Variants in NALF1 observed in about 807,000 individuals in gnomAD.
The protein encoded by NALF1 is family with sequence similarity 155 member A.
Under a neutral mutation model 48.4 loss-of-function variants are expected in NALF1, and 3 were observed. The observed-to-expected ratio is 0.06, with a 90% CI of 0.03 to 0.16. NALF1 has a LOEUF of 0.16. Ranked by LOEUF, NALF1 falls within the 10% of genes least tolerant of loss-of-function variation. NALF1 has a pLI of 1.00. For missense variants in NALF1, 526 were observed against 571.5 expected (o/e 0.92, Z 0.81); for synonymous variants, 262 against 245.7 (o/e 1.07, Z -0.62).
intron 1 of NALF1, among the ~76,000 whole-genome samples, chr13:107,359,692 G>A (rs1325225379): frequency 7.3e-6 from 1 of 137,290 alleles, no homozygotes; most frequent in Non-Finnish European, 1.6e-5. Flanking sequence ...AAAAAATGTT[G>A]CTGCCTCTAG....
chr13:107,580,805 C>T (rs942849722), intron 1 of NALF1, among the ~76,000 whole-genome samples: 1 of 152,094 alleles, frequency 6.6e-6, no homozygotes, highest in Non-Finnish European at 1.5e-5. Flanking sequence ...AACATTTTAA[C>T]AACAGTGGAA....
chr13:107,204,009 G>A (rs1459127270), intron 2 of NALF1, among the ~76,000 whole-genome samples: 1 of 132,538 alleles, frequency 7.5e-6, no homozygotes, highest in Non-Finnish European at 1.7e-5. Flanking sequence ...GGCAGAGAGG[G>A]GCGCCCACAA....
At chr13:107,372,077 T>A (rs1883257887) in intron 1 of NALF1, among the ~76,000 whole-genome samples, 1 of 151,612 alleles carries the variant, frequency 6.6e-6, no homozygotes, top group South Asian at 2.1e-4. Flanking sequence ...CGCAGCAAGA[T>A]GCAGAGAGGT....
intron 1 of NALF1, among the ~76,000 whole-genome samples, chr13:107,754,021 C>A (rs1877013972): frequency 6.6e-6 from 1 of 152,046 alleles, no homozygotes; most frequent in African/African-American, 2.4e-5. Context: ...AAGAATGCTT[C>A]CAAATGTTGG....
chr13:107,303,393 G>T (rs988259271), intron 1 of NALF1, among the ~76,000 whole-genome samples: 1 of 152,102 alleles, frequency 6.6e-6, no homozygotes, highest in Non-Finnish European at 1.5e-5. Flanking sequence ...CTTCTCTATA[G>T]ATATATTATA....
At chr13:107,615,640 A>G (rs553696560) in intron 1 of NALF1, among the ~76,000 whole-genome samples, 87 of 152,294 alleles carry the variant, frequency 5.7e-4, no homozygotes, top group African/African-American at 1.7e-3. Flanking sequence ...CATTGTGTAC[A>G]CACAAACTAA....
intron 1 of NALF1, among the ~76,000 whole-genome samples, chr13:107,700,258 A>T (rs1377212356): frequency 6.6e-6 from 1 of 152,102 alleles, no homozygotes; most frequent in Admixed American, 6.6e-5. Context: ...AAATTGTATT[A>T]CAAAGTTACA....
In NALF1 at chr13:107,332,398, A is replaced by G. The variant is rs572621225; in HGVS notation, c.916-121643T>C. Among the ~76,000 whole-genome samples the G allele has an allele frequency of 2.8e-4, 42 of 152,334 alleles. No homozygotes were observed. In the East Asian group the frequency reaches 7.7e-3, roughly 28 times the overall value. On this transcript the variant is annotated intron_variant, in intron 1 of 2. Coordinates refer to ENST00000375915, the MANE Select transcript of NALF1 (RefSeq NM_001080396.3). ...GCAAAGGAGCAGCAGGAGTAGAAAAATACAACTAGAGGGTGTCCTTTTCAC... is the reference window on the plus strand; with the variant it reads ...GCAAAGGAGCAGCAGGAGTAGAAAAGTACAACTAGAGGGTGTCCTTTTCAC...
chr13:107,837,753 G>A (rs868203580), intron 1 of NALF1, among the ~76,000 whole-genome samples: 13 of 151,940 alleles, frequency 8.6e-5, no homozygotes, highest in Admixed American at 2.0e-4. Context: ...GAGCCACCCG[G>A]GTGTGAGAAA....
intron 1 of NALF1, among the ~76,000 whole-genome samples, chr13:107,761,273 C>T (rs532334529): frequency 3.3e-5 from 5 of 151,908 alleles, no homozygotes; most frequent in Admixed American, 1.3e-4. Context: ...AGAAGAATGG[C>T]GTGAACGCAG....
At chr13:107,500,253 G>A (rs934877856) in intron 1 of NALF1, among the ~76,000 whole-genome samples, 2 of 152,100 alleles carry the variant, frequency 1.3e-5, no homozygotes, top group Non-Finnish European at 2.9e-5. Context: ...GAATACTTGC[G>A]ACTGGGTAAC....
intron 1 of NALF1, among the ~76,000 whole-genome samples, chr13:107,469,733 CTTTTTTTTTTTTTTT>C (rs61241553): frequency 1.3e-5 from 1 of 79,956 alleles, no homozygotes; most frequent in African/African-American, 5.3e-5. Flanking sequence ...AACTGTGTAT[CTTTTTTTTTTTTTTT>C]TTTTTTTTTT....
At chr13:107,671,033 G>A (rs1880978637) in intron 1 of NALF1, among the ~76,000 whole-genome samples, 1 of 151,980 alleles carries the variant, frequency 6.6e-6, no homozygotes, top group African/African-American at 2.4e-5. Flanking sequence ...TCTCAGATGT[G>A]CAACTTCCTT....
intron 1 of NALF1, among the ~76,000 whole-genome samples, chr13:107,727,158 C>A (rs373207383): frequency 2.0e-5 from 3 of 151,542 alleles, no homozygotes; most frequent in African/African-American, 7.3e-5. Flanking sequence ...GGCACAGACT[C>A]GAGACCAGTG....
intron 1 of NALF1, among the ~76,000 whole-genome samples, chr13:107,526,391 A>G (rs2139102150): frequency 1.3e-5 from 2 of 152,158 alleles, no homozygotes; most frequent in East Asian, 3.9e-4. Context: ...ATTCTGTTTC[A>G]ATTGATTGTT....
chr13:107,172,824 A>G (rs1878834309), intron 2 of NALF1, among the ~76,000 whole-genome samples: 1 of 152,230 alleles, frequency 6.6e-6, no homozygotes, highest in Non-Finnish European at 1.5e-5. Flanking sequence ...AATGTTAGGT[A>G]AATAAGAAGC....
chr13:107,858,024 C>T (rs971666337), intron 1 of NALF1, among the ~76,000 whole-genome samples: 2 of 152,198 alleles, frequency 1.3e-5, no homozygotes, highest in Non-Finnish European at 2.9e-5. Flanking sequence ...AAACCATACA[C>T]ACATCCTTTC....
At chr13:107,425,835 G>C (rs1376610670) in intron 1 of NALF1, among the ~76,000 whole-genome samples, 1 of 152,002 alleles carries the variant, frequency 6.6e-6, no homozygotes, top group Non-Finnish European at 1.5e-5. Context: ...TAAGATATTA[G>C]ATATCTCTGT....
intron 1 of NALF1, among the ~76,000 whole-genome samples, chr13:107,279,298 C>T (rs1257137158): frequency 6.6e-6 from 1 of 151,780 alleles, no homozygotes; most frequent in African/African-American, 2.4e-5. Flanking sequence ...TCTTGTTGCC[C>T]GGGCTGGAGG....
Sources: gnomAD v4.1 joint callset for allele counts (sites outside exome capture counted in the v4.1 genomes callset) on GRCh38, gnomAD v4.1.1 for gene constraint, MANE v1.5 for transcripts, NCBI Gene and HGNC (gene_info 2026-07-23, HGNC 2026-07-21) for gene names.